The following ADGRA1 variants were observed in gnomAD, a reference collection of about 807,000 sequenced individuals.
ADGRA1 encodes the protein G-protein coupled receptor 123.
ADGRA1 carries 12 observed loss-of-function variants against 21.3 expected under a neutral mutation model. The ratio of observed to expected loss-of-function variants is 0.56; its 90% CI spans 0.36 to 0.91. The LOEUF (loss-of-function observed/expected upper bound fraction) is 0.91. Among genes scored for constraint, ADGRA1 ranks in the 40% least tolerant of loss-of-function variants. ADGRA1 has a pLI of 0.01. For synonymous variants in ADGRA1, 385 were observed against 368.8 expected, an observed-to-expected ratio of 1.04 and a Z score of -0.50; for missense variants, 790 against 805.6, an observed-to-expected ratio of 0.98 and a Z score of 0.23.
Position 133,131,596 on chromosome 10 carries a change from G to A in ADGRA1, c.*2085G>A, listed in dbSNP as rs990164977. On this transcript the variant is annotated 3_prime_UTR_variant, in exon 7 of 7. Coordinates refer to ENST00000392607, the MANE Select transcript of ADGRA1 (RefSeq NM_001083909.3). ...TGAACTTTCCACCCTCAGTGCCCCC[G>A]GCTGAGCAGAGAGGCGTCCCACCAT... The A allele has an allele frequency of 8.5e-5, 13 of 152,612 alleles. No individual in the cohort carries two copies. Among genetic ancestry groups the A allele is most frequent in the Admixed American group, 3.9e-4 (6 of 15,304 alleles). 9.5% of individuals were successfully genotyped at this position (152,612 alleles called of 1,614,324 possible). A position where few individuals can be genotyped will look rare whatever the true frequency, so the allele number is the denominator to read the frequency against.
chr10:133,119,779 T>C (rs966188268), intron 5 of ADGRA1, among the ~76,000 whole-genome samples: 3 of 152,244 alleles, frequency 2.0e-5, no homozygotes, highest in Non-Finnish European at 4.4e-5. Flanking sequence ...AGCAGCAATA[T>C]TTTGAAAAGA....
At chr10:133,107,066 AT>A (rs1430828470) in intron 5 of ADGRA1, among the ~76,000 whole-genome samples, 7 of 152,082 alleles carry the variant, frequency 4.6e-5, no homozygotes, top group African/African-American at 7.2e-5. Flanking sequence ...CCTTGGTTGA[AT>A]TTTTTTCCCA....
chr10:133,089,394 G>C (rs527257962), intron 2 of ADGRA1, among the ~76,000 whole-genome samples: 1 of 152,220 alleles, frequency 6.6e-6, no homozygotes, highest in Non-Finnish European at 1.5e-5. Context: ...GAGAGAAGGC[G>C]GCCGCGCACA....
chr10:133,115,344 C>T (rs1039343956), intron 5 of ADGRA1, among the ~76,000 whole-genome samples: 4 of 152,168 alleles, frequency 2.6e-5, no homozygotes, highest in African/African-American at 4.8e-5. Context: ...GCAGCAGGCA[C>T]GGGCAGGCAC....
At chr10:133,101,985 G>A (rs537595785) in intron 4 of ADGRA1, among the ~76,000 whole-genome samples, 35 of 152,354 alleles carry the variant, frequency 2.3e-4, no homozygotes, top group Admixed American at 1.6e-3. Flanking sequence ...TTTATGCGGC[G>A]AATCTCTGTA....
At chr10:133,092,831 G>GGGAA (rs1851622687) in intron 2 of ADGRA1, among the ~76,000 whole-genome samples, 1 of 30,510 alleles carries the variant, frequency 3.3e-5, no homozygotes, top group East Asian at 1.6e-3. Context: ...AAGGAAGAGA[G>GGGAA]GGAGGGAGGG....
intron 5 of ADGRA1, among the ~76,000 whole-genome samples, chr10:133,111,828 A>C (rs71217084): frequency 6.2e-4 from 20 of 32,336 alleles, no homozygotes; most frequent in South Asian, 1.2e-3. Context: ...TCCTAATCCC[A>C]CCAGACCACC....
At chr10:133,088,637 G>T in intron 1 of ADGRA1, 71 bp from the exon 2 acceptor site, 1 of 1,016,750 alleles carries the variant, frequency 9.8e-7, no homozygotes, top group African/African-American at 1.7e-5. Context: ...GCTCCCTGGC[G>T]GGGTCGGGGC....
Position 133,112,392 on chromosome 10 carries a change from A to ACGGGCTACGTCGGTTATTTGGGGTCTG in ADGRA1, c.401+9555_401+9556insTACGTCGGTTATTTGGGGTCTGCGGGC, listed in dbSNP as rs1564850049. Among the ~76,000 whole-genome samples the ACGGGCTACGTCGGTTATTTGGGGTCTG allele has an allele frequency of 7.2e-4, 63 of 87,844 alleles. 1 individual carries two copies. Among genetic ancestry groups the ACGGGCTACGTCGGTTATTTGGGGTCTG allele is most frequent in the African/African-American group, 2.9e-3 (55 of 18,720 alleles). 57.6% of individuals were successfully genotyped at this position (87,844 alleles called of 152,430 possible). ...GGGCCGTGTCGGTTATTTGGGGTCT[A>ACGGGCTACGTCGGTTATTTGGGGTCTG]CGGGCCGCGTCCGTTATTTGGGGTC... On this transcript the variant is annotated intron_variant, in intron 5 of 6. Coordinates refer to ENST00000392607, the MANE Select transcript of ADGRA1 (RefSeq NM_001083909.3).
chr10:133,094,324 G>A (rs149464218), intron 2 of ADGRA1, among the ~76,000 whole-genome samples: 193 of 152,354 alleles, frequency 1.3e-3, no homozygotes, highest in Middle Eastern at 6.8e-3. Flanking sequence ...AGCCACAAAC[G>A]GGAGGCTAAG....
chr10:133,093,296 C>A, intron 2 of ADGRA1: 1 of 1,548,026 alleles, frequency 6.5e-7, no homozygotes, highest in South Asian at 1.2e-5. Context: ...ATAACTTGAC[C>A]GACTGCTTCC....
rs1345776764 is a variant in ADGRA1 at position 133,088,733 on chromosome 10, C to T, written c.-177C>T. 1 of 1,230,320 alleles carries T rather than the reference C, an allele frequency of 8.1e-7. No individual in the cohort carries two copies. The highest frequency in any genetic ancestry group is 1.0e-6 in the Non-Finnish European group (1 of 987,396). 76.2% of individuals were successfully genotyped at this position (1,230,320 alleles called of 1,614,324 possible). ...ATGGGAGCAGCTCCCGGACTGCGCC[C>T]GCCCCGCCGCGGTCACCCTGAGGCC... On this transcript the variant is annotated 5_prime_UTR_variant, in exon 2 of 7. Coordinates refer to ENST00000392607, the MANE Select transcript of ADGRA1 (RefSeq NM_001083909.3).
rs192195040 is a variant in ADGRA1, at chr10:133,120,693, C to T, written c.402-6540C>T. ...GAGGGAATATTGTGTCTGATTTGAT[C>T]TTCCATCCAGACCATTAAAACTTTC... On this transcript the variant is annotated intron_variant, in intron 5 of 6. Coordinates refer to ENST00000392607, the MANE Select transcript of ADGRA1 (RefSeq NM_001083909.3). 1.1e-3 allele frequency among the ~76,000 whole-genome samples: 165 copies of T among 152,344 alleles called. 1 individual carries two copies. The highest frequency in any genetic ancestry group is 6.8e-3 in the Middle Eastern group (2 of 294).
At chr10:133,096,349 C>T (rs1186052405) in intron 2 of ADGRA1, among the ~76,000 whole-genome samples, 1 of 152,274 alleles carries the variant, frequency 6.6e-6, no homozygotes, top group Non-Finnish European at 1.5e-5. Flanking sequence ...CCAGTCTACT[C>T]TGCCACAGAG....
At position 133,130,861 on chromosome 10, in the gene ADGRA1, A is replaced by C. The variant is rs112745089; in HGVS notation, c.*1350A>C. On this transcript the variant is annotated 3_prime_UTR_variant, in exon 7 of 7. Coordinates refer to ENST00000392607, the MANE Select transcript of ADGRA1 (RefSeq NM_001083909.3). ...CATATCACACACACGCACACACACA[A>C]ACACGTGCATATCACACACAAACAC... 23 of 101,784 alleles carry C rather than the reference A, an allele frequency of 2.3e-4. No individual in the cohort carries two copies. Among genetic ancestry groups the C allele is most frequent in the Admixed American group, 1.1e-3 (9 of 8,324 alleles). The allele number at this position is 101,784 out of a possible 1,614,324, so 6.3% of individuals were successfully genotyped here. A position where few individuals can be genotyped will look rare whatever the true frequency, so the allele number is the denominator to read the frequency against.
intron 2 of ADGRA1, chr10:133,089,148 G>A (rs1427787827): frequency 4.6e-6 from 3 of 652,044 alleles, no homozygotes; most frequent in African/African-American, 3.8e-5. Context: ...TGAGTTGCAG[G>A]CATATGGCAA....
chr10:133,119,078 G>A (rs528503172), intron 5 of ADGRA1, among the ~76,000 whole-genome samples: 35 of 152,044 alleles, frequency 2.3e-4, no homozygotes, highest in African/African-American at 4.6e-4. Context: ...ACACACACAC[G>A]CACTCACATG....
At chr10:133,123,149 C>G (rs1459196189) in intron 5 of ADGRA1, among the ~76,000 whole-genome samples, 1 of 152,202 alleles carries the variant, frequency 6.6e-6, no homozygotes, top group Non-Finnish European at 1.5e-5. Context: ...TCTAAGCCTG[C>G]TAACTCCTCA....
At chr10:133,104,686 C>T (rs1371904298) in intron 5 of ADGRA1, among the ~76,000 whole-genome samples, 1 of 152,160 alleles carries the variant, frequency 6.6e-6, no homozygotes, top group Admixed American at 6.5e-5. Context: ...GTGCCGTGTT[C>T]CAGCTGTGTT....
Sources: gnomAD v4.1 joint callset for allele counts (sites outside exome capture counted in the v4.1 genomes callset) on GRCh38, gnomAD v4.1.1 for gene constraint, MANE v1.5 for transcripts, NCBI Gene and HGNC (gene_info 2026-07-23, HGNC 2026-07-21) for gene names.